Variants in STK4 observed in about 807,000 individuals in gnomAD.
STK4 encodes serine/threonine-protein kinase 4.
Under a neutral mutation model 64.9 loss-of-function variants are expected in STK4, and 30 were observed. The observed-to-expected ratio is 0.46, with a 90% CI of 0.35 to 0.63. The LOEUF (loss-of-function observed/expected upper bound fraction) is 0.63, where lower values mean the gene tolerates loss of function less well. Among genes scored for constraint, STK4 ranks in the 20% least tolerant of loss-of-function variants. The pLI is 0.01. For synonymous variants in STK4, 177 were observed against 199.0 expected (o/e 0.89, Z 0.93); for missense variants, 466 against 598.5 (o/e 0.78, Z 2.31).
intron 10 of STK4, among the ~76,000 whole-genome samples, chr20:45,058,011 A>T (rs1167759279): frequency 6.6e-6 from 1 of 152,062 alleles, no homozygotes; most frequent in Non-Finnish European, 1.5e-5. Context: ...TCAACCAGAA[A>T]AATGAACAAA....
chr20:44,984,786 C>CT (rs71197588), intron 4 of STK4, among the ~76,000 whole-genome samples: 18,534 of 145,584 alleles, frequency 0.13, 1,472 homozygotes, highest in East Asian at 0.22. Flanking sequence ...TTAATTCTTT[C>CT]TTTTTTTTTT....
intron 10 of STK4, chr20:45,053,319 A>C: frequency 1.5e-6 from 1 of 649,704 alleles, no homozygotes; most frequent in Non-Finnish European, 2.7e-6. Flanking sequence ...GCGGTTTTTG[A>C]CCTCAAGAGG....
chr20:45,004,774 C>CTT (rs112356453), intron 9 of STK4, among the ~76,000 whole-genome samples: 6 of 117,876 alleles, frequency 5.1e-5, no homozygotes, highest in Non-Finnish European at 7.3e-5. Flanking sequence ...TTTCTTTTTT[C>CTT]TTTTTTTTTT....
chr20:45,020,437 TGC>T lies in STK4; in HGVS notation c.1148-4534_1148-4533del, dbSNP rs1175903318. Among the ~76,000 whole-genome samples, 15 of 94,892 alleles carry T rather than the reference TGC, an allele frequency of 1.6e-4. No homozygotes were observed. The East Asian group carries it at 1.9e-3, about 12-fold the overall frequency. 62.3% of individuals were successfully genotyped at this position (94,892 alleles called of 152,430 possible). A position where few individuals can be genotyped will look rare whatever the true frequency, so the allele number is the denominator to read the frequency against. ...TTCCAGATTTAGGGGTGTATGTTTA[TGC>T]GTGTGTGTGTGTGTGTGTGTGTGTG... On this transcript the variant is annotated intron_variant, in intron 9 of 10. Coordinates refer to ENST00000372806, the MANE Select transcript of STK4 (RefSeq NM_006282.5).
At chr20:45,039,223 A>G (rs926528323) in intron 10 of STK4, among the ~76,000 whole-genome samples, 4 of 152,128 alleles carry the variant, frequency 2.6e-5, no homozygotes, top group Non-Finnish European at 4.4e-5. Flanking sequence ...TTACTCACAC[A>G]TGATTTTGTA....
chr20:45,027,188 G>A (rs2068364322), intron 10 of STK4, among the ~76,000 whole-genome samples: 1 of 152,080 alleles, frequency 6.6e-6, no homozygotes, highest in South Asian at 2.1e-4. Context: ...CAGCACTTTG[G>A]GAGGCCAAGG....
chr20:45,037,006 CAGTT>C (rs1212280826), intron 10 of STK4, among the ~76,000 whole-genome samples: 2 of 152,186 alleles, frequency 1.3e-5, no homozygotes, highest in Non-Finnish European at 2.9e-5. Context: ...GTTATACAGA[CAGTT>C]AGTGGCACAG....
chr20:45,017,316 G>A (rs2068160174), intron 9 of STK4, among the ~76,000 whole-genome samples: 1 of 152,134 alleles, frequency 6.6e-6, no homozygotes, highest in South Asian at 2.1e-4. Flanking sequence ...TCAAATAATA[G>A]TATTTGATAA....
intron 9 of STK4, among the ~76,000 whole-genome samples, chr20:45,017,065 TG>T (rs1386676327): frequency 6.6e-6 from 1 of 152,224 alleles, no homozygotes; most frequent in Non-Finnish European, 1.5e-5. Context: ...AATATCAATT[TG>T]GAATCAGTAT....
chr20:44,987,346 A>G, intron 5 of STK4, 50 bp downstream of exon 5: 1 of 1,528,768 alleles, frequency 6.5e-7, no homozygotes. Context: ...TGTCCTGAGA[A>G]GCAGTTCCTT....
chr20:45,059,164 T>A (rs150651272), intron 10 of STK4, among the ~76,000 whole-genome samples: 2 of 152,332 alleles, frequency 1.3e-5, no homozygotes, highest in African/African-American at 4.8e-5. Context: ...CAAGCGCTTA[T>A]CACACAACTG....
At chr20:45,006,302 A>C (rs1237153101) in intron 9 of STK4, among the ~76,000 whole-genome samples, 1 of 145,238 alleles carries the variant, frequency 6.9e-6, no homozygotes, top group South Asian at 2.1e-4. Flanking sequence ...TGGTCTTGCT[A>C]TGTTGTCCAG....
At position 45,075,873 on chromosome 20, in the gene STK4, C is replaced by G. The variant is rs1211365269; in HGVS notation, c.*697C>G. On this transcript the variant is annotated 3_prime_UTR_variant, in exon 11 of 11. Coordinates refer to ENST00000372806, the MANE Select transcript of STK4 (RefSeq NM_006282.5). ...TTTACTCTTTGAGTCCCAGGAGAAG[C>G]CTGGCACCCTCTTTGCAAATTGGCC... 2 of 152,684 alleles carry G rather than the reference C, an allele frequency of 1.3e-5. No individual in the cohort carries two copies. The highest frequency in any genetic ancestry group is 4.8e-5 in the African/African-American group (2 of 41,442). 9.5% of individuals were successfully genotyped at this position (152,684 alleles called of 1,614,324 possible).
intron 10 of STK4, among the ~76,000 whole-genome samples, chr20:45,062,966 A>G (rs1979203734): frequency 8.4e-6 from 1 of 119,152 alleles, no homozygotes; most frequent in South Asian, 2.8e-4. Flanking sequence ...CTGGGATTAC[A>G]GGTGTGAGCC....
At chr20:45,040,306 G>A (rs1345554518) in intron 10 of STK4, among the ~76,000 whole-genome samples, 1 of 151,920 alleles carries the variant, frequency 6.6e-6, no homozygotes, top group South Asian at 2.1e-4. Context: ...GACAGAATAT[G>A]CACTTGATTT....
intron 5 of STK4, among the ~76,000 whole-genome samples, chr20:44,989,723 T>C (rs148573888): frequency 1.5e-4 from 23 of 152,346 alleles, no homozygotes; most frequent in Non-Finnish European, 2.6e-4. Context: ...GTTCTAGCTC[T>C]TATGTTTAGA....
rs6031959 is a variant in STK4 at position 45,055,828 on chromosome 20, G to T, written c.1306-19190G>T. ...GCTCACTGCAATCTTTGCCTCCCAG[G>T]TTCAAGCAATTCTCCTGTCTCAGCC... On this transcript the variant is annotated intron_variant, in intron 10 of 10. Coordinates refer to ENST00000372806, the MANE Select transcript of STK4 (RefSeq NM_006282.5). 8.4e-4 allele frequency among the ~76,000 whole-genome samples: 127 copies of T among 151,684 alleles called. 1 individual carries two copies. The highest frequency in any genetic ancestry group is 4.2e-3 in the South Asian group (20 of 4,798).
Position 44,966,590 on chromosome 20 carries a change from A to C in STK4, c.22A>C (p.Asn8His). The C allele has an allele frequency of 7.8e-7, 1 of 1,273,948 alleles. No homozygotes were observed. The highest frequency in any genetic ancestry group is 1.0e-6 in the Non-Finnish European group (1 of 1,001,944). 78.9% of individuals were successfully genotyped at this position (1,273,948 alleles called of 1,614,324 possible). METVQLR[N>H]PPRRQLKKLD... ...CGCCATGGAGACGGTACAGCTGAGG[A>C]ACCCGCCGCGCCGGTGAGGGGCCAC... is the stretch of plus-strand genomic sequence containing the variant. Residue 8 changes from asparagine to histidine, a missense_variant, in exon 1 of 11, where the codon AAC becomes CAC. By Grantham distance (68) the Asn-to-His change is moderately conservative (BLOSUM62 1). Around this residue, in one of 2 missense-constraint regions of STK4, gnomAD observed 190 missense variants for 289.7 expected, o/e 0.66. Transcript: ENST00000372806.
At chr20:45,040,361 G>T (rs946312398) in intron 10 of STK4, among the ~76,000 whole-genome samples, 3 of 151,912 alleles carry the variant, frequency 2.0e-5, no homozygotes, top group African/African-American at 4.8e-5. Context: ...TGGTTCCCTG[G>T]CATTCTCCAA....
Sources: allele counts gnomAD v4.1 joint callset (sites outside exome capture counted in the v4.1 genomes callset), GRCh38; gene constraint gnomAD v4.1.1; regional missense constraint gnomAD v4.1.1; transcripts MANE v1.5; gene names NCBI Gene and HGNC (gene_info 2026-07-23, HGNC 2026-07-21).